Variants in RNF149 observed in about 807,000 individuals in gnomAD.
RNF149 encodes ring finger protein 149.
Under a neutral mutation model 39.0 loss-of-function variants are expected in RNF149, and 21 were observed. That is an observed-to-expected ratio of 0.54 (90% CI 0.38 to 0.77). RNF149 has a LOEUF of 0.77. RNF149 is among the 30% of genes least tolerant of loss of function. The probability of loss-of-function intolerance (pLI) is 0.00; values close to 1 mark genes in which losing one functional copy is unlikely to be tolerated. For missense variants in RNF149, 493 were observed against 534.9 expected (o/e 0.92, Z 0.77); for synonymous variants, 209 against 213.6 (o/e 0.98, Z 0.19).
chr2:101,285,565 C>T (rs1008409461), intron 5 of RNF149, among the ~76,000 whole-genome samples: 2 of 152,134 alleles, frequency 1.3e-5, no homozygotes, highest in Non-Finnish European at 2.9e-5. Context: ...CTTTTCATTT[C>T]GCCCCCGTGT....
Position 101,308,630 on chromosome 2 carries a change from G to C in RNF149, c.-42C>G. On this transcript the variant is annotated 5_prime_UTR_variant, in exon 1 of 7. Transcript: ENST00000295317. ...TGACTAGGGGGAGTCAGGGTCACGC[G>C]CGAGTGCGGTGCAGTCGAAGAGCAG... 6.9e-7 allele frequency: 1 copy of C among 1,455,694 alleles called. No homozygotes were observed. The highest frequency in any genetic ancestry group is 9.0e-7 in the Non-Finnish European group (1 of 1,107,862). The allele number at this position is 1,455,694 out of a possible 1,614,324, so 90.2% of individuals were successfully genotyped here.
chr2:101,272,072 A>G (rs1241035844), downstream of RNF149, among the ~76,000 whole-genome samples: 1 of 152,218 alleles, frequency 6.6e-6, no homozygotes, highest in Admixed American at 6.5e-5. Flanking sequence ...CATTTGTTAA[A>G]ATTTCAGCAC....
intron 6 of RNF149, 172 bp downstream of exon 6, chr2:101,281,687 G>A: frequency 1.5e-6 from 1 of 678,092 alleles, no homozygotes; most frequent in Non-Finnish European, 2.5e-6. Flanking sequence ...TTTTTGTAGA[G>A]ATGGGGTCTC....
intron 1 of RNF149, among the ~76,000 whole-genome samples, chr2:101,303,921 GA>G (rs1313986706): frequency 6.6e-6 from 1 of 152,192 alleles, no homozygotes; most frequent in Admixed American, 6.5e-5. Flanking sequence ...GTTAAAAAAT[GA>G]AAGTGCCATT....
Position 101,289,773 on chromosome 2 carries a change from C to T in RNF149, c.781-718G>A, listed in dbSNP as rs113742663. Among the ~76,000 whole-genome samples the T allele has an allele frequency of 2.8e-3, 428 of 151,894 alleles. 2 individuals carry two copies. The highest frequency in any genetic ancestry group is 9.6e-3 in the African/African-American group (398 of 41,452). ...CTCAGGCTGGTCTCGAACTCCTGGA[C>T]TCAAGCAATCCTCCTGCCTCAGCCT... On this transcript the variant is annotated intron_variant, in intron 3 of 6. Coordinates refer to ENST00000295317, the MANE Select transcript of RNF149 (RefSeq NM_173647.4).
chr2:101,308,662 G>A lies in RNF149; in HGVS notation c.-74C>T, dbSNP rs1683788529. The A allele has an allele frequency of 3.8e-6, 5 of 1,325,004 alleles. No individual in the cohort carries two copies. The highest frequency in any genetic ancestry group is 1.6e-5 in the South Asian group (1 of 63,560). The allele number at this position is 1,325,004 out of a possible 1,614,324, so 82.1% of individuals were successfully genotyped here. Reference sequence around the variant, plus strand: ...CGGTGCAGTCGAAGAGCAGAGAGAAGCGGACACCCACCGCCGCCCTGGAAG... The same window carrying A: ...CGGTGCAGTCGAAGAGCAGAGAGAAACGGACACCCACCGCCGCCCTGGAAG... On this transcript the variant is annotated 5_prime_UTR_variant, in exon 1 of 7. Transcript: ENST00000295317.
intron 3 of RNF149, among the ~76,000 whole-genome samples, chr2:101,289,679 T>G (rs1185994567): frequency 7.1e-6 from 1 of 140,172 alleles, no homozygotes; most frequent in East Asian, 2.2e-4. Context: ...CACTCCAGCC[T>G]GGGCAACTGT....
intron 1 of RNF149, among the ~76,000 whole-genome samples, chr2:101,303,909 C>A (rs1215805594): frequency 6.6e-6 from 1 of 152,192 alleles, no homozygotes; most frequent in African/African-American, 2.4e-5. Flanking sequence ...CAGTAAATAA[C>A]TGTTAAAAAA....
chr2:101,298,956 C>T (rs1403163252), intron 1 of RNF149, among the ~76,000 whole-genome samples: 1 of 152,150 alleles, frequency 6.6e-6, no homozygotes, highest in Non-Finnish European at 1.5e-5. Flanking sequence ...TTGAGACCAG[C>T]CTGGCCAACA....
chr2:101,281,999 G>C lies in RNF149; in HGVS notation c.1019C>G (p.Pro340Arg). ...TAAAGCTAGACTCAAATTTGCAGCTGGATCCCTTCCAGGAGGAGATTCTGG... is the reference window on the plus strand; with the variant it reads ...TAAAGCTAGACTCAAATTTGCAGCTCGATCCCTTCCAGGAGGAGATTCTGG... ...PAPESPPGRD[P>R]AANLSLALPD... The change falls in exon 6 of 7, where the codon CCA becomes CGA. Residue 340 changes from proline to arginine, a missense_variant. By Grantham distance (103) the Pro-to-Arg change is moderately radical. Coordinates refer to ENST00000295317, the MANE Select transcript of RNF149 (RefSeq NM_173647.4). The C allele has an allele frequency of 6.2e-7, 1 of 1,614,018 alleles. No homozygotes were observed.
downstream of RNF149, among the ~76,000 whole-genome samples, chr2:101,275,396 C>T (rs1416675862): frequency 1.5e-5 from 2 of 133,912 alleles, no homozygotes; most frequent in African/African-American, 2.8e-5. Context: ...GGATTACAGG[C>T]GTGAGCCACC....
Position 101,275,865 on chromosome 2 carries a change from C to T in RNF149, c.*1373G>A, listed in dbSNP as rs951035094. ...AGGTAATGGCTGTTATGGAAACCTA[C>T]TTGAGGTTGTCTGCTAAAACCAACT... On this transcript the variant is annotated 3_prime_UTR_variant, in exon 7 of 7. Transcript: ENST00000295317. The T allele has an allele frequency of 1.5e-5, 15 of 984,926 alleles. No individual in the cohort carries two copies. The highest frequency in any genetic ancestry group is 1.7e-5 in the African/African-American group (1 of 57,218). The allele number at this position is 984,926 out of a possible 1,614,324, so 61.0% of individuals were successfully genotyped here. A position where few individuals can be genotyped will look rare whatever the true frequency, so the allele number is the denominator to read the frequency against.
chr2:101,279,774 A>G (rs1682501188), intron 6 of RNF149, among the ~76,000 whole-genome samples: 1 of 152,098 alleles, frequency 6.6e-6, no homozygotes, highest in Non-Finnish European at 1.5e-5. Flanking sequence ...TAATATTTCT[A>G]CCGATTTTTG....
intron 1 of RNF149, among the ~76,000 whole-genome samples, chr2:101,305,752 C>T (rs888039759): frequency 7.9e-5 from 12 of 152,214 alleles, no homozygotes; most frequent in African/African-American, 2.9e-4. Context: ...GGAGAGAGAA[C>T]AAAGAATTAT....
At chr2:101,284,538 G>A (rs1024489014) in intron 5 of RNF149, among the ~76,000 whole-genome samples, 4 of 152,186 alleles carry the variant, frequency 2.6e-5, no homozygotes, top group Non-Finnish European at 2.9e-5. Context: ...CCAAGATCAC[G>A]CCATTGAACT....
At chr2:101,293,137 TAAA>T (rs879269387) in intron 3 of RNF149, among the ~76,000 whole-genome samples, 1 of 144,436 alleles carries the variant, frequency 6.9e-6, no homozygotes, top group African/African-American at 2.5e-5. Context: ...AATTCCAAAT[TAAA>T]AAAAAAAAAA....
chr2:101,296,629 A>T (rs1444127220), intron 1 of RNF149, among the ~76,000 whole-genome samples: 1 of 152,168 alleles, frequency 6.6e-6, no homozygotes, highest in East Asian at 1.9e-4. Flanking sequence ...TTAAAAAATC[A>T]CGTGGGGCAA....
intron 1 of RNF149, among the ~76,000 whole-genome samples, chr2:101,297,517 T>C (rs567840447): frequency 1.0e-4 from 15 of 146,062 alleles, no homozygotes; most frequent in Non-Finnish European, 2.1e-4. Flanking sequence ...CCACTACACC[T>C]GGCTAATTTT....
At chr2:101,301,746 A>AAAT (rs370179612) in intron 1 of RNF149, among the ~76,000 whole-genome samples, 3 of 152,156 alleles carry the variant, frequency 2.0e-5, no homozygotes, top group Admixed American at 1.3e-4. Flanking sequence ...CACCTTGTCA[A>AAAT]AATAATAATA....
Sources: gnomAD v4.1 joint callset for allele counts (sites outside exome capture counted in the v4.1 genomes callset) on GRCh38, gnomAD v4.1.1 for gene constraint, MANE v1.5 for transcripts, NCBI Gene and HGNC (gene_info 2026-07-23, HGNC 2026-07-21) for gene names.